PPP3CA: variants seen among roughly 807,000 people sequenced by gnomAD.
The protein encoded by PPP3CA is protein phosphatase 3 catalytic subunit alpha.
PPP3CA carries 14 observed loss-of-function variants against 66.5 expected under a neutral mutation model. That is an observed-to-expected ratio of 0.21 (90% CI 0.14 to 0.33). The LOEUF (loss-of-function observed/expected upper bound fraction) is 0.33, where lower values mean the gene tolerates loss of function less well. Among genes scored for constraint, PPP3CA ranks in the 10% least tolerant of loss-of-function variants. The probability of loss-of-function intolerance (pLI) is 1.00; values close to 1 mark genes in which losing one functional copy is unlikely to be tolerated. For synonymous variants in PPP3CA, 232 were observed against 226.2 expected, an observed-to-expected ratio of 1.03 and a Z score of -0.23; for missense variants, 317 against 639.5, an observed-to-expected ratio of 0.50 and a Z score of 5.44.
chr4:101,036,665 G>A (rs2110208564), intron 11 of PPP3CA, among the ~76,000 whole-genome samples: 1 of 152,200 alleles, frequency 6.6e-6, no homozygotes, highest in Non-Finnish European at 1.5e-5. Context: ...ACCCGCCTTG[G>A]CCTCCCAAAG....
chr4:101,346,253 A>G (rs28660297), intron 1 of PPP3CA, among the ~76,000 whole-genome samples: 21,639 of 151,972 alleles, frequency 0.14, 4,991 homozygotes, highest in African/African-American at 0.48. Context: ...AACCCTGCCC[A>G]AGTGAGGCAG....
intron 1 of PPP3CA, among the ~76,000 whole-genome samples, chr4:101,220,953 C>G (rs1295763413): frequency 1.3e-5 from 2 of 151,820 alleles, no homozygotes; most frequent in East Asian, 1.9e-4. Flanking sequence ...TATTCTGTTT[C>G]TAGCCACTTT....
chr4:101,071,585 G>A (rs1394966530), intron 8 of PPP3CA, among the ~76,000 whole-genome samples: 1 of 152,146 alleles, frequency 6.6e-6, no homozygotes, highest in Non-Finnish European at 1.5e-5. Flanking sequence ...ATCAGACAAC[G>A]GAATTCAATA....
At chr4:101,055,778 T>C (rs1331313066) in intron 10 of PPP3CA, among the ~76,000 whole-genome samples, 1 of 152,128 alleles carries the variant, frequency 6.6e-6, no homozygotes, top group Non-Finnish European at 1.5e-5. Flanking sequence ...TATTGTTTCA[T>C]ATGCATTGAC....
chr4:101,140,400 T>C (rs1418524598), intron 2 of PPP3CA, among the ~76,000 whole-genome samples: 1 of 152,170 alleles, frequency 6.6e-6, no homozygotes, highest in African/African-American at 2.4e-5. Flanking sequence ...GCATGCCCTA[T>C]GCAAACACTG....
rs1333970995 is a variant in PPP3CA at position 101,204,852 on chromosome 4, A to G, written c.59-8736T>C. ...TTTAAGTCAAATACTTAAAAAATTT[A>G]AATATATAATTGAAGAATTGTTGTT... On this transcript the variant is annotated intron_variant, in intron 1 of 13. Coordinates refer to ENST00000394854, the MANE Select transcript of PPP3CA (RefSeq NM_000944.5). 9.2e-5 allele frequency among the ~76,000 whole-genome samples: 14 copies of G among 151,600 alleles called. No homozygotes were observed. In the East Asian group the frequency reaches 2.7e-3, roughly 29 times the overall value.
At chr4:101,089,293 G>A (rs1424505047) in intron 6 of PPP3CA, among the ~76,000 whole-genome samples, 1 of 152,134 alleles carries the variant, frequency 6.6e-6, no homozygotes, top group Admixed American at 6.5e-5. Context: ...GGATCGCCCT[G>A]ACAAGTCAGA....
intron 1 of PPP3CA, among the ~76,000 whole-genome samples, chr4:101,268,939 G>A (rs1370273840): frequency 6.6e-6 from 1 of 152,044 alleles, no homozygotes; most frequent in Non-Finnish European, 1.5e-5. Flanking sequence ...GCTGCCCAAA[G>A]TTTATAAACT....
rs527840275 is a variant in PPP3CA, at chr4:101,062,792, G to A, written c.1081+440C>T. Among the ~76,000 whole-genome samples the A allele has an allele frequency of 3.9e-5, 6 of 151,968 alleles. No individual in the cohort carries two copies. In the East Asian group the frequency reaches 5.8e-4, roughly 15 times the overall value. ...AATATTGTAGCCATTAAGCACTATC[G>A]TACAATAATTTATTAACATCAGAAA... On this transcript the variant is annotated intron_variant, in intron 9 of 13. Coordinates refer to ENST00000394854, the MANE Select transcript of PPP3CA (RefSeq NM_000944.5).
At chr4:101,070,273 A>G (rs1256474448) in intron 8 of PPP3CA, among the ~76,000 whole-genome samples, 1 of 152,138 alleles carries the variant, frequency 6.6e-6, no homozygotes, top group Non-Finnish European at 1.5e-5. Context: ...AGAAAATGGG[A>G]GAAGAGGGAA....
At chr4:101,209,082 T>G (rs749397184) in intron 1 of PPP3CA, among the ~76,000 whole-genome samples, 1 of 152,170 alleles carries the variant, frequency 6.6e-6, no homozygotes, top group Non-Finnish European at 1.5e-5. Context: ...AACTGTTCAA[T>G]AGCTCATGAT....
chr4:101,115,973 C>G lies in PPP3CA; in HGVS notation c.260-6895G>C, dbSNP rs528466648. On this transcript the variant is annotated intron_variant, in intron 2 of 13. Coordinates refer to ENST00000394854, the MANE Select transcript of PPP3CA (RefSeq NM_000944.5). ...TAAATTTACAAACTGCAAATGAAAA[C>G]TAGATTTTTAATGTATCAGCATTTC... Among the ~76,000 whole-genome samples, 1,359 of 152,014 alleles carry G rather than the reference C, an allele frequency of 8.9e-3. 5 individuals are homozygous for G. The highest frequency in any genetic ancestry group is 0.015 in the Non-Finnish European group (995 of 67,884).
chr4:101,166,993 G>C (rs13128841), intron 2 of PPP3CA, among the ~76,000 whole-genome samples: 69,931 of 151,888 alleles, frequency 0.46, 18,377 homozygotes, highest in Middle Eastern at 0.63. Flanking sequence ...TTAATTATAC[G>C]TGCAATTTAG....
At chr4:101,320,644 C>T (rs896678876) in intron 1 of PPP3CA, among the ~76,000 whole-genome samples, 6 of 152,042 alleles carry the variant, frequency 3.9e-5, no homozygotes, top group Admixed American at 6.6e-5. Flanking sequence ...AAAAACCTTG[C>T]CTAAAACATG....
At chr4:101,122,431 C>T (rs1363298185) in intron 2 of PPP3CA, among the ~76,000 whole-genome samples, 1 of 152,056 alleles carries the variant, frequency 6.6e-6, no homozygotes, top group Non-Finnish European at 1.5e-5. Flanking sequence ...TATGTGCACA[C>T]GTACTTATGT....
chr4:101,076,930 G>GC (rs1269557614), intron 8 of PPP3CA, among the ~76,000 whole-genome samples: 2 of 152,204 alleles, frequency 1.3e-5, no homozygotes, highest in East Asian at 3.8e-4. Flanking sequence ...CAATGCCACT[G>GC]CATGTCCAAT....
In PPP3CA at chr4:101,025,610, T is replaced by A. The variant is rs2110200168; in HGVS notation, c.*255A>T. On this transcript the variant is annotated 3_prime_UTR_variant, in exon 14 of 14. Coordinates refer to ENST00000394854, the MANE Select transcript of PPP3CA (RefSeq NM_000944.5). Reference sequence around the variant, plus strand: ...TAGCATTAGCTTTCTTTTTAAAATTTTTTTTCTCTATAAGCATTTTTAAAA... The same window carrying A: ...TAGCATTAGCTTTCTTTTTAAAATTATTTTTCTCTATAAGCATTTTTAAAA... The A allele has an allele frequency of 5.9e-6, 2 of 336,162 alleles. No individual in the cohort carries two copies. Among genetic ancestry groups the A allele is most frequent in the Non-Finnish European group, 1.1e-5 (2 of 185,850 alleles). The allele number at this position is 336,162 out of a possible 1,614,324, so 20.8% of individuals were successfully genotyped here.
At chr4:101,282,680 T>G (rs971398832) in intron 1 of PPP3CA, among the ~76,000 whole-genome samples, 1 of 152,188 alleles carries the variant, frequency 6.6e-6, no homozygotes, top group Non-Finnish European at 1.5e-5. Flanking sequence ...TTTAACATAA[T>G]GCATGTGGCT....
intron 1 of PPP3CA, among the ~76,000 whole-genome samples, chr4:101,315,542 G>A (rs1031769110): frequency 2.6e-5 from 4 of 152,072 alleles, no homozygotes; most frequent in African/African-American, 9.7e-5. Flanking sequence ...CATTCAAGAC[G>A]CAGAAATATG....
Sources: allele counts gnomAD v4.1 joint callset (sites outside exome capture counted in the v4.1 genomes callset), GRCh38; gene constraint gnomAD v4.1.1; transcripts MANE v1.5; gene names NCBI Gene and HGNC (gene_info 2026-07-23, HGNC 2026-07-21).